The following CLIC4 variants were observed in gnomAD, a reference collection of about 807,000 sequenced individuals.
CLIC4 encodes the protein chloride intracellular channel protein 4.
CLIC4 carries 13 observed loss-of-function variants against 24.6 expected under a neutral mutation model. The observed-to-expected ratio is 0.53, with a 90% CI of 0.34 to 0.84. The LOEUF (loss-of-function observed/expected upper bound fraction) is 0.84. Among genes scored for constraint, CLIC4 ranks in the 40% least tolerant of loss-of-function variants. The probability of loss-of-function intolerance (pLI) is 0.01; values close to 1 mark genes in which losing one functional copy is unlikely to be tolerated. For missense variants in CLIC4, 227 were observed against 301.7 expected (o/e 0.75, Z 1.83); for synonymous variants, 104 against 111.3 (o/e 0.93, Z 0.41).
intron 3 of CLIC4, among the ~76,000 whole-genome samples, chr1:24,825,883 C>G (rs777331452): frequency 6.6e-6 from 1 of 152,160 alleles, no homozygotes; most frequent in African/African-American, 2.4e-5. Flanking sequence ...AATTAGTACA[C>G]TGTAAGGTTT....
intron 1 of CLIC4, among the ~76,000 whole-genome samples, chr1:24,762,288 G>A (rs966611266): frequency 1.3e-5 from 2 of 152,114 alleles, no homozygotes; most frequent in African/African-American, 4.8e-5. Context: ...TGGGCGTGAT[G>A]TCACATGCCT....
chr1:24,766,339 C>G (rs919303917), intron 1 of CLIC4, among the ~76,000 whole-genome samples: 3 of 151,378 alleles, frequency 2.0e-5, no homozygotes, highest in Admixed American at 6.6e-5. Context: ...ACCATGTTGG[C>G]GAGGCTGATT....
intron 3 of CLIC4, among the ~76,000 whole-genome samples, chr1:24,823,774 C>CA (rs10627275): frequency 0.032 from 3,496 of 108,662 alleles, 140 homozygotes; most frequent in African/African-American, 0.085. Context: ...AACTCTGTCT[C>CA]AAAAAAAAAA....
chr1:24,802,533 A>G (rs970417965), intron 2 of CLIC4, among the ~76,000 whole-genome samples: 1 of 152,102 alleles, frequency 6.6e-6, no homozygotes, highest in Non-Finnish European at 1.5e-5. Flanking sequence ...GGTCTTTAAC[A>G]ATCATAGGTC....
intron 4 of CLIC4, among the ~76,000 whole-genome samples, chr1:24,829,756 C>G (rs1434071594): frequency 6.6e-6 from 1 of 152,130 alleles, no homozygotes; most frequent in African/African-American, 2.4e-5. Context: ...CTGATTAGTT[C>G]CTTTTTATTC....
intron 2 of CLIC4, among the ~76,000 whole-genome samples, chr1:24,804,687 A>T (rs2124141761): frequency 6.6e-6 from 1 of 152,204 alleles, no homozygotes; most frequent in East Asian, 1.9e-4. Context: ...TTCAAAGATG[A>T]TACATCCTGT....
intron 2 of CLIC4, among the ~76,000 whole-genome samples, chr1:24,812,090 CTG>C (rs1326613940): frequency 6.6e-6 from 1 of 152,122 alleles, no homozygotes; most frequent in African/African-American, 2.4e-5. Context: ...TTACATTTTT[CTG>C]TGTGTTCACT....
chr1:24,767,726 CCTCT>C (rs1434047356), intron 1 of CLIC4, among the ~76,000 whole-genome samples: 1 of 151,546 alleles, frequency 6.6e-6, no homozygotes, highest in Non-Finnish European at 1.5e-5. Flanking sequence ...TTCTTTTTTT[CCTCT>C]CTCTCTTTTT....
intron 2 of CLIC4, among the ~76,000 whole-genome samples, chr1:24,810,316 T>C (rs541474473): frequency 6.6e-6 from 1 of 152,230 alleles, no homozygotes; most frequent in Non-Finnish European, 1.5e-5. Flanking sequence ...TTTTTCTTAA[T>C]CTATAACAGT....
intron 3 of CLIC4, among the ~76,000 whole-genome samples, chr1:24,820,097 A>ATATATATATATATATATG (rs1448055026): frequency 1.0e-5 from 1 of 100,366 alleles, no homozygotes; most frequent in Non-Finnish European, 2.1e-5. Flanking sequence ...ATATATATAT[A>ATATATATATATATATATG]GACAGTATCT....
chr1:24,787,044 C>A (rs1481107150), intron 1 of CLIC4, among the ~76,000 whole-genome samples: 1 of 152,154 alleles, frequency 6.6e-6, no homozygotes, highest in Non-Finnish European at 1.5e-5. Context: ...CTTCAGCATC[C>A]TGAGTAGCCT....
chr1:24,749,188 T>A (rs1638744666), intron 1 of CLIC4, among the ~76,000 whole-genome samples: 1 of 150,572 alleles, frequency 6.6e-6, no homozygotes, highest in Non-Finnish European at 1.5e-5. Flanking sequence ...CACCCCAGCC[T>A]GGGTGACAGA....
rs940613232 is a variant in CLIC4, at chr1:24,816,175, C to T, written c.308+1956C>T. Among the ~76,000 whole-genome samples, 5 of 151,522 alleles carry T rather than the reference C, an allele frequency of 3.3e-5. No individual in the cohort carries two copies. The South Asian group carries it at 1.0e-3, about 32-fold the overall frequency. On this transcript the variant is annotated intron_variant, in intron 3 of 5. Transcript: ENST00000374379. ...GTCCATGAGGGTTAGAATCCACTTC[C>T]TCCAAACTCCTGTTAATGTTGCTAT...
chr1:24,778,146 A>G (rs1373063466), intron 1 of CLIC4, among the ~76,000 whole-genome samples: 1 of 152,182 alleles, frequency 6.6e-6, no homozygotes, highest in Non-Finnish European at 1.5e-5. Context: ...AGATTCTAGC[A>G]TCTCCTTCTT....
chr1:24,812,974 C>T (rs1370544745), intron 2 of CLIC4, among the ~76,000 whole-genome samples: 2 of 151,890 alleles, frequency 1.3e-5, no homozygotes, highest in African/African-American at 4.8e-5. Context: ...ACCTTGGCCT[C>T]CCAAAATGCT....
intron 1 of CLIC4, among the ~76,000 whole-genome samples, chr1:24,762,775 GAAGT>G (rs1035035558): frequency 4.6e-5 from 7 of 152,142 alleles, no homozygotes; most frequent in Admixed American, 2.0e-4. Context: ...AATGAAATAG[GAAGT>G]AAGAGACTGG....
At chr1:24,746,030 C>T (rs1246244552) in intron 1 of CLIC4, among the ~76,000 whole-genome samples, 1 of 151,452 alleles carries the variant, frequency 6.6e-6, no homozygotes, top group Non-Finnish European at 1.5e-5. Context: ...CGCTCCGGTC[C>T]GCCGCCCGGA....
chr1:24,817,105 C>G (rs1200845693), intron 3 of CLIC4, among the ~76,000 whole-genome samples: 2 of 152,194 alleles, frequency 1.3e-5, no homozygotes. Flanking sequence ...TGACATCTTT[C>G]AATAGAAGGT....
chr1:24,820,067 G>GTGTA lies in CLIC4; in HGVS notation c.308+5849_308+5850insGTAT, dbSNP rs1212033050. 6.3e-3 allele frequency among the ~76,000 whole-genome samples: 231 copies of GTGTA among 36,414 alleles called. 25 individuals carry two copies. Among genetic ancestry groups the GTGTA allele is most frequent in the South Asian group, 0.011 (8 of 712 alleles). The allele number at this position is 36,414 out of a possible 152,430, so 23.9% of individuals were successfully genotyped here. ...TACTTCAAAAAAAAAAAAAAAGTAT[G>GTGTA]TATATATATATGTATATATATATAT... is the stretch of plus-strand genomic sequence containing the variant. On this transcript the variant is annotated intron_variant, in intron 3 of 5. Coordinates refer to ENST00000374379, the MANE Select transcript of CLIC4 (RefSeq NM_013943.3).
Sources: allele counts gnomAD v4.1 joint callset (sites outside exome capture counted in the v4.1 genomes callset), GRCh38; gene constraint gnomAD v4.1.1; transcripts MANE v1.5; gene names NCBI Gene and HGNC (gene_info 2026-07-23, HGNC 2026-07-21).